Variants in HIVEP3 observed in about 807,000 individuals in gnomAD.
The protein encoded by HIVEP3 is HIVEP zinc finger 3, also known as transcription factor HIVEP3.
A neutral mutation model predicts 152.8 loss-of-function variants in HIVEP3; 49 were observed. The observed-to-expected ratio is 0.32, with a 90% CI of 0.26 to 0.41. The LOEUF is 0.41. HIVEP3 is among the 10% of genes least tolerant of loss of function. The pLI is 1.00. For missense variants in HIVEP3, 2,790 were observed against 3,103.3 expected (o/e 0.90, Z 2.40); for synonymous variants, 1,269 against 1,289.0 (o/e 0.98, Z 0.33).
Position 41,904,329 on chromosome 1 carries a change from T to G in HIVEP3, c.-801+14084A>C, listed in dbSNP as rs79845540. Among the ~76,000 whole-genome samples the G allele has an allele frequency of 2.3e-3, 345 of 152,288 alleles. 1 individual carries two copies. The highest frequency in any genetic ancestry group is 7.7e-3 in the African/African-American group (321 of 41,548). ...GCCAGTGACTTTGACCTCTGAAGCC[T>G]CAATTCCCTTGACTGTAAAAGAGGT... On this transcript the variant is annotated intron_variant, in intron 1 of 8. Coordinates refer to ENST00000372583, the MANE Select transcript of HIVEP3 (RefSeq NM_024503.5).
intron 1 of HIVEP3, among the ~76,000 whole-genome samples, chr1:42,020,881 A>G (rs1251430083): frequency 6.6e-6 from 1 of 152,198 alleles, no homozygotes; most frequent in East Asian, 1.9e-4. Context: ...AGACATCAAA[A>G]GATCCAAAGC....
At chr1:41,725,526 T>C (rs957778429) in intron 1 of HIVEP3, among the ~76,000 whole-genome samples, 7 of 152,208 alleles carry the variant, frequency 4.6e-5, no homozygotes, top group African/African-American at 1.7e-4. Flanking sequence ...AACTATTGTC[T>C]GTGCTGATGG....
chr1:41,966,475 C>CTTTTTTTTTTTTTTTTTTTTTT (rs58470482), intron 1 of HIVEP3, among the ~76,000 whole-genome samples: 10 of 95,820 alleles, frequency 1.0e-4, no homozygotes, highest in Admixed American at 1.3e-4. Flanking sequence ...GTGCTGTATT[C>CTTTTTTTTTTTTTTTTTTTTTT]TTTTTTTTTT....
chr1:41,912,248 C>A (rs1336488274), intron 1 of HIVEP3, among the ~76,000 whole-genome samples: 1 of 152,122 alleles, frequency 6.6e-6, no homozygotes, highest in Admixed American at 6.5e-5. Flanking sequence ...AAGTAACATT[C>A]TTTTTCTCAA....
chr1:41,606,147 A>C (rs552043362), intron 3 of HIVEP3, among the ~76,000 whole-genome samples: 19 of 150,668 alleles, frequency 1.3e-4, no homozygotes, highest in African/African-American at 4.7e-4. Flanking sequence ...TTCGCATTCA[A>C]CCTCTCTCTC....
At chr1:41,860,092 A>G (rs943159482) in intron 1 of HIVEP3, among the ~76,000 whole-genome samples, 2 of 152,208 alleles carry the variant, frequency 1.3e-5, no homozygotes, top group African/African-American at 4.8e-5. Context: ...TTGCGGATCA[A>G]CAACTGGATT....
chr1:41,580,881 G>T lies in HIVEP3; in HGVS notation c.3917C>A (p.Ala1306Asp). The change falls in exon 4 of 9, where the codon GCC becomes GAC. Residue 1306 changes from alanine (A) to aspartate (D), a missense_variant. By Grantham distance (126) the Ala-to-Asp change is moderately radical (BLOSUM62 -2). This residue lies in a region of HIVEP3 where 1,078 missense variants were observed against 1,165.3 expected (regional missense o/e 0.93). Coordinates refer to ENST00000372583, the MANE Select transcript of HIVEP3 (RefSeq NM_024503.5). ...SSAPTSAPPL[A>D]LPACPDTMVS... ...CATGGTGTCTGGACAGGCAGGCAGG[G>T]CCAGTGGAGGAGCTGATGTAGGTGC... 6.2e-7 allele frequency: 1 copy of T among 1,609,596 alleles called. No individual in the cohort carries two copies. The highest frequency in any genetic ancestry group is 2.2e-5 in the East Asian group (1 of 44,874).
chr1:41,898,886 T>C (rs1415772271), intron 1 of HIVEP3, among the ~76,000 whole-genome samples: 3 of 152,256 alleles, frequency 2.0e-5, no homozygotes, highest in Non-Finnish European at 2.9e-5. Context: ...ACCAGATCTA[T>C]TCATTCAGCA....
chr1:41,988,665 A>G (rs1183158832), intron 1 of HIVEP3, among the ~76,000 whole-genome samples: 1 of 152,192 alleles, frequency 6.6e-6, no homozygotes, highest in Non-Finnish European at 1.5e-5. Context: ...GAAGTTCCTC[A>G]AAAAATTACA....
At chr1:41,573,318 GT>G (rs1201761724) in intron 5 of HIVEP3, among the ~76,000 whole-genome samples, 1 of 152,174 alleles carries the variant, frequency 6.6e-6, no homozygotes, top group Non-Finnish European at 1.5e-5. Flanking sequence ...TGAAATGCCA[GT>G]TATGTGGCAA....
chr1:41,705,760 T>C (rs979279917), intron 1 of HIVEP3, among the ~76,000 whole-genome samples: 1 of 152,236 alleles, frequency 6.6e-6, no homozygotes, highest in Non-Finnish European at 1.5e-5. Context: ...TCCACACTTC[T>C]GGGTGTAGTC....
Position 41,583,997 on chromosome 1 carries a change from C to T in HIVEP3, c.801G>A (p.Arg267=), listed in dbSNP as rs750758809. 6.2e-7 allele frequency: 1 copy of T among 1,614,218 alleles called. No individual in the cohort carries two copies. Among genetic ancestry groups the T allele is most frequent in the Non-Finnish European group, 8.5e-7 (1 of 1,180,042 alleles). ...GCTCCTCAAACTCTTCCCCAGGGAT[C>T]CGCTCCATCTCCAGCCCATGTGGGT... is the stretch of plus-strand genomic sequence containing the variant. ...EMYPHGLEME[R]IPGEEFEEPT... Residue 267 remains arginine (R), a synonymous_variant, in exon 4 of 9, where the codon CGG becomes CGA. Transcript: ENST00000372583. This position sits in a 1 kb window ranked among gnomAD's most constrained non-coding sequence, Gnocchi z 6.9.
intron 1 of HIVEP3, among the ~76,000 whole-genome samples, chr1:41,913,775 G>A (rs1644831130): frequency 6.6e-6 from 1 of 152,204 alleles, no homozygotes; most frequent in Non-Finnish European, 1.5e-5. Flanking sequence ...TAAAATTGGT[G>A]ACTGAGATTC....
intron 1 of HIVEP3, among the ~76,000 whole-genome samples, chr1:41,745,804 C>T (rs1235615744): frequency 6.6e-6 from 1 of 152,218 alleles, no homozygotes; most frequent in Non-Finnish European, 1.5e-5. Context: ...CTCCTCTTTC[C>T]ACCGGAGGGA....
At chr1:41,829,194 C>G (rs182343817) in intron 1 of HIVEP3, among the ~76,000 whole-genome samples, 1 of 152,128 alleles carries the variant, frequency 6.6e-6, no homozygotes, top group African/African-American at 2.4e-5. Flanking sequence ...ATACCCACTT[C>G]GATATGGCAT....
chr1:41,765,852 A>G (rs997757335), intron 1 of HIVEP3, among the ~76,000 whole-genome samples: 2 of 152,088 alleles, frequency 1.3e-5, no homozygotes, highest in Admixed American at 6.5e-5. Flanking sequence ...CCCTGCCCTC[A>G]GGCAGTAGGG....
intron 2 of HIVEP3, among the ~76,000 whole-genome samples, chr1:41,684,722 G>C (rs1365636166): frequency 6.6e-6 from 1 of 152,206 alleles, no homozygotes; most frequent in Non-Finnish European, 1.5e-5. Flanking sequence ...GATTAGATGA[G>C]ATAATGGCCA....
chr1:41,910,164 T>A (rs1279247856), intron 1 of HIVEP3, among the ~76,000 whole-genome samples: 2 of 151,938 alleles, frequency 1.3e-5, no homozygotes, highest in Non-Finnish European at 2.9e-5. Context: ...TAGTCTCTAA[T>A]AACATTGAGA....
At chr1:41,529,760 CCA>C (rs1217420831) in intron 5 of HIVEP3, among the ~76,000 whole-genome samples, 30 of 149,306 alleles carry the variant, frequency 2.0e-4, no homozygotes, top group Non-Finnish European at 3.4e-4. Flanking sequence ...ACACACACCC[CCA>C]GACTCACTTC....
Sources: gnomAD v4.1 joint callset for allele counts (sites outside exome capture counted in the v4.1 genomes callset) on GRCh38, gnomAD v4.1.1 for gene constraint, gnomAD v4.1.1 regional missense constraint, Gnocchi (gnomAD v3.1) non-coding constraint, MANE v1.5 for transcripts, NCBI Gene and HGNC (gene_info 2026-07-23, HGNC 2026-07-21) for gene names.